Variants in VTA1 observed in about 807,000 individuals in gnomAD.
VTA1 encodes vesicle trafficking 1.
In VTA1, 24 loss-of-function variants were observed where a neutral mutation model predicts 36.9. That is an observed-to-expected ratio of 0.65 (90% CI 0.47 to 0.91). The LOEUF (loss-of-function observed/expected upper bound fraction) is 0.91, where lower values mean the gene tolerates loss of function less well. VTA1 is among the 40% of genes least tolerant of loss of function. VTA1 has a pLI of 0.00. For missense variants in VTA1, 393 were observed against 377.2 expected (o/e 1.04, Z -0.35); for synonymous variants, 142 against 130.2 (o/e 1.09, Z -0.62).
chr6:142,198,688 G>C, intron 6 of VTA1, 73 bp downstream of exon 6: 1 of 1,382,784 alleles, frequency 7.2e-7, no homozygotes, highest in African/African-American at 1.4e-5. Context: ...TATCACATAT[G>C]TGCCTCATAA....
intron 7 of VTA1, among the ~76,000 whole-genome samples, chr6:142,207,297 C>G (rs1374273422): frequency 6.6e-6 from 1 of 152,152 alleles, no homozygotes; most frequent in African/African-American, 2.4e-5. Context: ...GGTTCCCTGG[C>G]AGGAGATCTG....
chr6:142,170,446 T>C (rs1775007584), intron 4 of VTA1, 25 bp downstream of exon 4: 1 of 1,470,574 alleles, frequency 6.8e-7, no homozygotes, highest in Non-Finnish European at 9.3e-7. Flanking sequence ...TTTATTGTCT[T>C]ATTAGCTGAA....
Position 142,195,494 on chromosome 6 carries a change from T to C in VTA1, c.521-2945T>C, listed in dbSNP as rs190973138. 1.5e-4 allele frequency among the ~76,000 whole-genome samples: 23 copies of C among 151,908 alleles called. No individual in the cohort carries two copies. The East Asian group carries it at 4.2e-3, about 28-fold the overall frequency. ...TCCCAGTCTCTTGACAGAGATGTTT[T>C]AATTTTTTTTATTATCTCAACAAGT... On this transcript the variant is annotated intron_variant, in intron 5 of 7. Transcript: ENST00000367630.
At chr6:142,159,211 G>A (rs1403192837) in intron 1 of VTA1, among the ~76,000 whole-genome samples, 1 of 151,606 alleles carries the variant, frequency 6.6e-6, no homozygotes, top group African/African-American at 2.4e-5. Flanking sequence ...AATACAATAA[G>A]AAATTACCCA....
At chr6:142,179,137 T>C (rs1358713446) in intron 4 of VTA1, among the ~76,000 whole-genome samples, 1 of 152,048 alleles carries the variant, frequency 6.6e-6, no homozygotes. Flanking sequence ...ATAATCATAA[T>C]TGGAAATTTT....
At chr6:142,167,102 T>C (rs766154051) in intron 2 of VTA1, among the ~76,000 whole-genome samples, 3 of 152,184 alleles carry the variant, frequency 2.0e-5, no homozygotes, top group Non-Finnish European at 2.9e-5. Context: ...GGGCAAGATA[T>C]TCTTATGGTT....
intron 7 of VTA1, among the ~76,000 whole-genome samples, chr6:142,214,432 G>A (rs1181327256): frequency 1.3e-5 from 2 of 152,136 alleles, no homozygotes; most frequent in African/African-American, 2.4e-5. Flanking sequence ...CAATAGGAGA[G>A]TGAAGGGGGA....
chr6:142,169,416 G>T, intron 2 of VTA1, 134 bp from the exon 3 acceptor site: 3 of 1,055,678 alleles, frequency 2.8e-6, no homozygotes, highest in South Asian at 3.2e-5. Flanking sequence ...CTTTTTGCAA[G>T]ATTTCATTGA....
chr6:142,182,281 C>T (rs1158469313), intron 4 of VTA1, among the ~76,000 whole-genome samples: 1 of 152,016 alleles, frequency 6.6e-6, no homozygotes, highest in Admixed American at 6.6e-5. Flanking sequence ...CAAGAAATAA[C>T]AAGGAGAACA....
chr6:142,163,619 A>G (rs1198825031), intron 1 of VTA1, among the ~76,000 whole-genome samples: 1 of 152,172 alleles, frequency 6.6e-6, no homozygotes, highest in Non-Finnish European at 1.5e-5. Flanking sequence ...GAGAAGGAGA[A>G]GGAATCAGAA....
rs979307472 is a variant in VTA1 at position 142,224,150 on chromosome 6, G to A, written c.*5507G>A. On this transcript the variant is annotated 3_prime_UTR_variant, in exon 8 of 8. Transcript: ENST00000367630. ...TCCTATAGGTCTGCTGTCATTACAA[G>A]AAGAGGAAGAGCCACCGGAGCTGGC... 2 of 152,222 alleles carry A rather than the reference G, an allele frequency of 1.3e-5. No homozygotes were observed. The highest frequency in any genetic ancestry group is 2.9e-5 in the Non-Finnish European group (2 of 68,066). 9.4% of individuals were successfully genotyped at this position (152,222 alleles called of 1,614,324 possible). A position where few individuals can be genotyped will look rare whatever the true frequency, so the allele number is the denominator to read the frequency against.
At chr6:142,193,226 C>T (rs1455128866) in intron 5 of VTA1, among the ~76,000 whole-genome samples, 1 of 152,076 alleles carries the variant, frequency 6.6e-6, no homozygotes, top group Non-Finnish European at 1.5e-5. Flanking sequence ...TAACCCTATG[C>T]ATTTTTTGCA....
At chr6:142,188,897 G>A (rs1775398341) in intron 4 of VTA1, among the ~76,000 whole-genome samples, 2 of 152,258 alleles carry the variant, frequency 1.3e-5, no homozygotes, top group South Asian at 4.2e-4. Flanking sequence ...TTTAGAATCA[G>A]GGTAACTGAG....
chr6:142,147,818 G>A (rs550800046), intron 1 of VTA1, among the ~76,000 whole-genome samples: 1 of 152,326 alleles, frequency 6.6e-6, no homozygotes, highest in African/African-American at 2.4e-5. Flanking sequence ...ATAGTAATAA[G>A]TGAATATTAT....
At chr6:142,167,475 T>C (rs564423264) in intron 2 of VTA1, among the ~76,000 whole-genome samples, 1 of 152,320 alleles carries the variant, frequency 6.6e-6, no homozygotes, top group Non-Finnish European at 1.5e-5. Flanking sequence ...TTATTTTGCT[T>C]AGAGAAAATT....
At chr6:142,198,346 G>A in intron 5 of VTA1, 93 bp from the exon 6 acceptor site, 1 of 1,176,640 alleles carries the variant, frequency 8.5e-7, no homozygotes, top group South Asian at 2.4e-5. Context: ...TGCATTTAAA[G>A]ATTCCATTTG....
At chr6:142,202,280 T>G (rs761042491) in intron 6 of VTA1, among the ~76,000 whole-genome samples, 1 of 152,008 alleles carries the variant, frequency 6.6e-6, no homozygotes, top group Non-Finnish European at 1.5e-5. Context: ...AAAATAGTCA[T>G]TGAATAGGTC....
chr6:142,193,110 G>A (rs1388977917), intron 5 of VTA1, among the ~76,000 whole-genome samples: 1 of 152,034 alleles, frequency 6.6e-6, no homozygotes, highest in African/African-American at 2.4e-5. Flanking sequence ...ATCTGGAGTA[G>A]CTCCCCAGGA....
intron 4 of VTA1, among the ~76,000 whole-genome samples, chr6:142,184,700 A>C (rs963280216): frequency 1.3e-5 from 2 of 152,132 alleles, no homozygotes; most frequent in African/African-American, 4.8e-5. Flanking sequence ...ATCTTGATTG[A>C]GGGAAATGGA....
Sources: gnomAD v4.1 joint callset for allele counts (sites outside exome capture counted in the v4.1 genomes callset) on GRCh38, gnomAD v4.1.1 for gene constraint, MANE v1.5 for transcripts, NCBI Gene and HGNC (gene_info 2026-07-23, HGNC 2026-07-21) for gene names.